Variants in RABGAP1L observed in about 807,000 individuals in gnomAD.
The protein encoded by RABGAP1L is RAB GTPase activating protein 1 like.
Under a neutral mutation model 137.7 loss-of-function variants are expected in RABGAP1L, and 63 were observed. The observed-to-expected ratio is 0.46, with a 90% CI of 0.37 to 0.56. The LOEUF (loss-of-function observed/expected upper bound fraction) is 0.56, where lower values mean the gene tolerates loss of function less well. Among genes scored for constraint, RABGAP1L ranks in the 20% least tolerant of loss-of-function variants. The probability of loss-of-function intolerance (pLI) is 0.00; values close to 1 mark genes in which losing one functional copy is unlikely to be tolerated. For synonymous variants in RABGAP1L, 431 were observed against 433.7 expected, an observed-to-expected ratio of 0.99 and a Z score of 0.08; for missense variants, 1,095 against 1,244.0, an observed-to-expected ratio of 0.88 and a Z score of 1.80.
At chr1:174,900,866 G>C (rs1399923599) in intron 19 of RABGAP1L, among the ~76,000 whole-genome samples, 1 of 152,024 alleles carries the variant, frequency 6.6e-6, no homozygotes, top group African/African-American at 2.4e-5. Flanking sequence ...AAGTTCTCCT[G>C]GATGATATCC....
chr1:174,957,783 G>C, intron 20 of RABGAP1L: 1 of 797,438 alleles, frequency 1.3e-6, no homozygotes, highest in East Asian at 3.1e-5. Context: ...AATTCCCTCT[G>C]TTCTTCCTTG....
chr1:174,519,108 T>TACACAC (rs1023502727), intron 13 of RABGAP1L, among the ~76,000 whole-genome samples: 1 of 149,794 alleles, frequency 6.7e-6, no homozygotes, highest in African/African-American at 2.5e-5. Context: ...CACACACACA[T>TACACAC]ACACACACAC....
chr1:174,913,190 G>A (rs191636346), intron 19 of RABGAP1L, among the ~76,000 whole-genome samples: 1 of 152,104 alleles, frequency 6.6e-6, no homozygotes, highest in South Asian at 2.1e-4. Context: ...TGGCCAGACT[G>A]GTCTCGAACT....
chr1:174,301,169 C>G (rs1395574735), intron 10 of RABGAP1L, among the ~76,000 whole-genome samples: 1 of 151,898 alleles, frequency 6.6e-6, no homozygotes, highest in Non-Finnish European at 1.5e-5. Context: ...GTTCCAAGTG[C>G]TGACACAGAA....
intron 14 of RABGAP1L, among the ~76,000 whole-genome samples, chr1:174,644,881 C>A (rs1674823980): frequency 6.6e-6 from 1 of 152,110 alleles, no homozygotes; most frequent in African/African-American, 2.4e-5. Context: ...AATTGCCCTA[C>A]TCCTCCTTCC....
At chr1:174,763,521 G>T (rs1303990699) in intron 18 of RABGAP1L, among the ~76,000 whole-genome samples, 9 of 151,116 alleles carry the variant, frequency 6.0e-5, no homozygotes, top group Non-Finnish European at 1.2e-4. Flanking sequence ...CGTGGTAGCG[G>T]GCGCCTGTAG....
intron 15 of RABGAP1L, among the ~76,000 whole-genome samples, chr1:174,696,584 G>C (rs1021046290): frequency 6.6e-6 from 1 of 152,142 alleles, no homozygotes; most frequent in African/African-American, 2.4e-5. Flanking sequence ...TCTGTCTGGG[G>C]CCAGTCTGAA....
At chr1:174,808,757 G>A (rs568389769) in intron 18 of RABGAP1L, among the ~76,000 whole-genome samples, 11 of 151,518 alleles carry the variant, frequency 7.3e-5, no homozygotes, top group African/African-American at 1.5e-4. Context: ...GGATTCAAGC[G>A]ATTCTCCTGC....
chr1:174,706,499 A>G (rs964003552), intron 17 of RABGAP1L, among the ~76,000 whole-genome samples: 5 of 152,176 alleles, frequency 3.3e-5, no homozygotes, highest in African/African-American at 1.2e-4. Flanking sequence ...TAAATGTATT[A>G]ACATTTATAG....
intron 15 of RABGAP1L, among the ~76,000 whole-genome samples, chr1:174,697,320 C>CTTTTT (rs141285517): frequency 6.7e-6 from 1 of 149,940 alleles, no homozygotes. Context: ...GTTCAGTTAT[C>CTTTTT]TTTTTTTTTT....
At chr1:174,903,959 A>G (rs1020838728) in intron 19 of RABGAP1L, among the ~76,000 whole-genome samples, 1 of 151,732 alleles carries the variant, frequency 6.6e-6, no homozygotes, top group African/African-American at 2.4e-5. Flanking sequence ...TCAAAAGAAA[A>G]AAAAAAAAAA....
chr1:174,965,217 A>G (rs1470547487), intron 20 of RABGAP1L, among the ~76,000 whole-genome samples: 2 of 152,138 alleles, frequency 1.3e-5, no homozygotes, highest in Non-Finnish European at 2.9e-5. Flanking sequence ...TTTAAGAGTT[A>G]TGTAAGCAGT....
intron 13 of RABGAP1L, among the ~76,000 whole-genome samples, chr1:174,536,540 A>G (rs530644330): frequency 3.9e-5 from 6 of 152,250 alleles, no homozygotes; most frequent in African/African-American, 1.4e-4. Context: ...TTTTTCCTTT[A>G]AAGAAATTGA....
chr1:174,971,482 C>G (rs570096602), intron 21 of RABGAP1L, among the ~76,000 whole-genome samples: 172 of 152,214 alleles, frequency 1.1e-3, no homozygotes, highest in South Asian at 8.1e-3. Flanking sequence ...TTCATTCTTC[C>G]TCTGCCTTCT....
At position 174,768,075 on chromosome 1, in the gene RABGAP1L, T is replaced by A. The variant is rs572126056; in HGVS notation, c.2211+15721T>A. ...TATGCGAGTACAATTCAAGATGAGA[T>A]TTGGGTGGGGACACAAAGCCAAATT... On this transcript the variant is annotated intron_variant, in intron 18 of 25. Coordinates refer to ENST00000681986, the MANE Select transcript of RABGAP1L (RefSeq NM_001366446.1). Among the ~76,000 whole-genome samples the A allele has an allele frequency of 7.9e-5, 12 of 152,330 alleles. No individual in the cohort carries two copies. In the South Asian group the frequency reaches 2.5e-3, roughly 32 times the overall value.
At chr1:174,938,154 C>G (rs1665222169) in intron 19 of RABGAP1L, among the ~76,000 whole-genome samples, 1 of 152,142 alleles carries the variant, frequency 6.6e-6, no homozygotes, top group African/African-American at 2.4e-5. Context: ...TCCAGCCTGT[C>G]CTTTTCAATT....
chr1:174,635,688 G>A (rs999328612), intron 13 of RABGAP1L, among the ~76,000 whole-genome samples: 1 of 152,076 alleles, frequency 6.6e-6, no homozygotes, highest in Non-Finnish European at 1.5e-5. Context: ...TAAGCCATCA[G>A]AATTTCCTCT....
At chr1:174,863,174 G>T (rs1447886354) in intron 19 of RABGAP1L, among the ~76,000 whole-genome samples, 1 of 131,790 alleles carries the variant, frequency 7.6e-6, no homozygotes, top group Non-Finnish European at 1.5e-5. Flanking sequence ...GATTACAGGG[G>T]TGAGCCACTG....
intron 18 of RABGAP1L, among the ~76,000 whole-genome samples, chr1:174,784,647 T>C (rs1687315437): frequency 1.3e-5 from 2 of 152,164 alleles, no homozygotes; most frequent in Admixed American, 1.3e-4. Flanking sequence ...GAGGGGCATG[T>C]CAGGAATCGG....
Sources: gnomAD v4.1 joint callset for allele counts (sites outside exome capture counted in the v4.1 genomes callset) on GRCh38, gnomAD v4.1.1 for gene constraint, MANE v1.5 for transcripts, NCBI Gene and HGNC (gene_info 2026-07-23, HGNC 2026-07-21) for gene names.